The following GPC5 variants were observed in gnomAD, a reference collection of about 807,000 sequenced individuals.
The protein encoded by GPC5 is glypican 5, also known as glypican-5.
GPC5 carries 47 observed loss-of-function variants against 53.9 expected under a neutral mutation model. That is an observed-to-expected ratio of 0.87 (90% CI 0.69 to 1.11). GPC5 has a LOEUF of 1.11. Ranked by LOEUF, GPC5 falls within the 50% of genes most tolerant of loss-of-function variation. The pLI, the probability that GPC5 is intolerant of heterozygous loss-of-function variation, is 0.00. For missense variants in GPC5, 748 were observed against 713.1 expected, an observed-to-expected ratio of 1.05 and a Z score of -0.56; for synonymous variants, 286 against 263.3, an observed-to-expected ratio of 1.09 and a Z score of -0.84.
intron 6 of GPC5, among the ~76,000 whole-genome samples, chr13:91,933,774 A>T (rs557080126): frequency 2.6e-5 from 4 of 151,910 alleles, no homozygotes; most frequent in Non-Finnish European, 5.9e-5. Flanking sequence ...AGTCATTCCC[A>T]TTGGAATGTA....
intron 7 of GPC5, among the ~76,000 whole-genome samples, chr13:92,176,484 A>G (rs2042109965): frequency 6.6e-6 from 1 of 152,210 alleles, no homozygotes; most frequent in Non-Finnish European, 1.5e-5. Flanking sequence ...AACCTCAACA[A>G]CAGACCAGGG....
intron 5 of GPC5, among the ~76,000 whole-genome samples, chr13:91,837,642 C>G (rs1156560723): frequency 6.6e-6 from 1 of 152,162 alleles, no homozygotes; most frequent in Non-Finnish European, 1.5e-5. Context: ...TTTTGTGTAA[C>G]TTCTGCTGTC....
intron 7 of GPC5, among the ~76,000 whole-genome samples, chr13:92,506,237 T>A (rs1880364293): frequency 6.6e-6 from 1 of 152,148 alleles, no homozygotes; most frequent in Non-Finnish European, 1.5e-5. Context: ...CTCTGAGGAC[T>A]TTAAGAGAAG....
At chr13:91,904,019 T>C (rs2039525945) in intron 5 of GPC5, among the ~76,000 whole-genome samples, 1 of 152,004 alleles carries the variant, frequency 6.6e-6, no homozygotes, top group South Asian at 2.1e-4. Context: ...ACGGCAAACC[T>C]ACAGTCTGCT....
chr13:91,624,754 C>T (rs897159245), intron 2 of GPC5, among the ~76,000 whole-genome samples: 1 of 151,836 alleles, frequency 6.6e-6, no homozygotes, highest in East Asian at 1.9e-4. Flanking sequence ...AATTAAAAAT[C>T]ACACTAAGTT....
intron 7 of GPC5, among the ~76,000 whole-genome samples, chr13:92,756,188 A>G (rs1453377203): frequency 6.6e-6 from 1 of 152,126 alleles, no homozygotes; most frequent in African/African-American, 2.4e-5. Context: ...ATGCAAATCA[A>G]TAAATGTAAT....
At chr13:92,842,035 G>T (rs1426312787) in intron 7 of GPC5, among the ~76,000 whole-genome samples, 1 of 152,136 alleles carries the variant, frequency 6.6e-6, no homozygotes, top group Non-Finnish European at 1.5e-5. Flanking sequence ...CCATTCAAAA[G>T]AAGTTTATGT....
intron 7 of GPC5, among the ~76,000 whole-genome samples, chr13:92,767,600 G>C (rs1407432665): frequency 2.0e-5 from 3 of 152,116 alleles, no homozygotes; most frequent in African/African-American, 7.2e-5. Context: ...CTCAATCCTT[G>C]TATTTCTCTT....
Position 92,155,264 on chromosome 13 carries a change from A to G in GPC5, c.1561+10275A>G, listed in dbSNP as rs556564363. Among the ~76,000 whole-genome samples the G allele has an allele frequency of 5.9e-5, 9 of 152,172 alleles. No homozygotes were observed. The East Asian group carries it at 1.7e-3, about 29-fold the overall frequency. ...TGTTCTTTCCTTCCATTTTTTTTCAATAAGCTCTGCATTTTCTGGTAGAAT... is the reference window on the plus strand; with the variant it reads ...TGTTCTTTCCTTCCATTTTTTTTCAGTAAGCTCTGCATTTTCTGGTAGAAT... On this transcript the variant is annotated intron_variant, in intron 7 of 7. Coordinates refer to ENST00000377067, the MANE Select transcript of GPC5 (RefSeq NM_004466.6).
At chr13:92,287,279 T>G (rs2042962659) in intron 7 of GPC5, among the ~76,000 whole-genome samples, 1 of 152,342 alleles carries the variant, frequency 6.6e-6, no homozygotes, top group Non-Finnish European at 1.5e-5. Flanking sequence ...TGGATAAACA[T>G]ATGGTCTATT....
chr13:92,469,687 G>T (rs1878836056), intron 7 of GPC5, among the ~76,000 whole-genome samples: 1 of 152,002 alleles, frequency 6.6e-6, no homozygotes, highest in African/African-American at 2.4e-5. Context: ...TTGTTTAATT[G>T]AACTTCTTGT....
chr13:92,265,917 C>T (rs971671965), intron 7 of GPC5, among the ~76,000 whole-genome samples: 2 of 152,192 alleles, frequency 1.3e-5, no homozygotes, highest in South Asian at 4.1e-4. Flanking sequence ...CTTCTTGCTA[C>T]ATCATCCCCA....
At chr13:92,370,223 A>G (rs1444012233) in intron 7 of GPC5, among the ~76,000 whole-genome samples, 1 of 152,214 alleles carries the variant, frequency 6.6e-6, no homozygotes, top group African/African-American at 2.4e-5. Flanking sequence ...ATTTTTTCCT[A>G]GTCCGTTGTG....
At chr13:92,684,750 A>C (rs1887209293) in intron 7 of GPC5, among the ~76,000 whole-genome samples, 1 of 152,198 alleles carries the variant, frequency 6.6e-6, no homozygotes, top group South Asian at 2.1e-4. Context: ...CTTTTGGCAA[A>C]TACCAAGGAG....
At chr13:92,843,189 C>A (rs1368012905) in intron 7 of GPC5, among the ~76,000 whole-genome samples, 1 of 152,096 alleles carries the variant, frequency 6.6e-6, no homozygotes, top group Non-Finnish European at 1.5e-5. Context: ...CTATATATTC[C>A]TCTTTTCAAT....
chr13:92,742,940 T>C (rs1889143143), intron 7 of GPC5, among the ~76,000 whole-genome samples: 1 of 152,126 alleles, frequency 6.6e-6, no homozygotes, highest in Non-Finnish European at 1.5e-5. Context: ...CATTGATCTA[T>C]ATCTCTGTTT....
At chr13:92,014,820 A>C (rs1206901327) in intron 6 of GPC5, among the ~76,000 whole-genome samples, 3 of 152,172 alleles carry the variant, frequency 2.0e-5, no homozygotes, top group Non-Finnish European at 1.5e-5. Context: ...TAAATAATGC[A>C]CTCAGATCTA....
chr13:92,416,164 A>T (rs562049542), intron 7 of GPC5, among the ~76,000 whole-genome samples: 1 of 152,326 alleles, frequency 6.6e-6, no homozygotes, highest in East Asian at 1.9e-4. Flanking sequence ...ATAAAATGGC[A>T]TTGTATCCTA....
chr13:91,839,369 A>C (rs1313431297), intron 5 of GPC5, among the ~76,000 whole-genome samples: 1 of 152,150 alleles, frequency 6.6e-6, no homozygotes, highest in Non-Finnish European at 1.5e-5. Context: ...GCAATCCATG[A>C]AAACCCATTT....
Sources: gnomAD v4.1 joint callset for allele counts (sites outside exome capture counted in the v4.1 genomes callset) on GRCh38, gnomAD v4.1.1 for gene constraint, MANE v1.5 for transcripts, NCBI Gene and HGNC (gene_info 2026-07-23, HGNC 2026-07-21) for gene names.